Variants in ATP8B1 observed in about 807,000 individuals in gnomAD.
ATP8B1 encodes phospholipid-transporting ATPase IC.
A neutral mutation model predicts 149.9 loss-of-function variants in ATP8B1; 80 were observed. That is an observed-to-expected ratio of 0.53 (90% CI 0.45 to 0.64). The LOEUF is 0.64. Ranked by LOEUF, ATP8B1 falls within the 30% of genes least tolerant of loss-of-function variation. ATP8B1 has a pLI of 0.00. For synonymous variants in ATP8B1, 536 were observed against 562.8 expected, an observed-to-expected ratio of 0.95 and a Z score of 0.67; for missense variants, 1,247 against 1,552.6, an observed-to-expected ratio of 0.80 and a Z score of 3.31.
At chr18:57,730,755 T>G (rs2079754621) in intron 2 of ATP8B1, among the ~76,000 whole-genome samples, 1 of 152,094 alleles carries the variant, frequency 6.6e-6, no homozygotes, top group Non-Finnish European at 1.5e-5. Context: ...CTGGCCTTGG[T>G]CTAGACCCTG....
At chr18:57,797,319 C>T (rs1202575874) in intron 1 of ATP8B1, among the ~76,000 whole-genome samples, 1 of 152,182 alleles carries the variant, frequency 6.6e-6, no homozygotes, top group African/African-American at 2.4e-5. Flanking sequence ...AAATGACAGC[C>T]CTGTCAATAA....
intron 1 of ATP8B1, among the ~76,000 whole-genome samples, chr18:57,782,349 A>G (rs938408327): frequency 3.9e-5 from 6 of 152,242 alleles, no homozygotes; most frequent in Admixed American, 6.5e-5. Context: ...ACGTTACACC[A>G]TTCATTTATT....
intron 1 of ATP8B1, among the ~76,000 whole-genome samples, chr18:57,795,661 A>C (rs995192119): frequency 2.0e-5 from 3 of 152,164 alleles, no homozygotes; most frequent in East Asian, 3.8e-4. Flanking sequence ...AGAATAGTCA[A>C]ATTCATGGAG....
At chr18:57,662,179 G>A (rs112427556) in intron 21 of ATP8B1, among the ~76,000 whole-genome samples, 26 of 152,214 alleles carry the variant, frequency 1.7e-4, no homozygotes, top group African/African-American at 5.3e-4. Context: ...GACTACAGGC[G>A]CATGCCACCA....
intron 13 of ATP8B1, among the ~76,000 whole-genome samples, chr18:57,685,461 C>T (rs1483151362): frequency 1.3e-5 from 2 of 152,164 alleles, no homozygotes; most frequent in Non-Finnish European, 2.9e-5. Flanking sequence ...AAGGCACTCA[C>T]GGTGCCTACA....
chr18:57,658,454 G>A (rs921507442), intron 22 of ATP8B1, among the ~76,000 whole-genome samples: 1 of 152,228 alleles, frequency 6.6e-6, no homozygotes, highest in Non-Finnish European at 1.5e-5. Context: ...AGGATAGAGG[G>A]AGAAGGCAGC....
intron 22 of ATP8B1, among the ~76,000 whole-genome samples, chr18:57,655,748 CTGTG>C (rs1487723606): frequency 2.0e-5 from 3 of 152,242 alleles, no homozygotes; most frequent in African/African-American, 7.2e-5. Context: ...CATGTGTACA[CTGTG>C]TCCTTGCCTC....
At chr18:57,695,096 A>G in intron 10 of ATP8B1, 75 bp downstream of exon 10, 1 of 1,507,356 alleles carries the variant, frequency 6.6e-7, no homozygotes, top group Non-Finnish European at 9.2e-7. Flanking sequence ...TTGATGGACA[A>G]AGGACAGAAA....
At chr18:57,780,988 G>A (rs193218054) in intron 1 of ATP8B1, among the ~76,000 whole-genome samples, 29 of 152,296 alleles carry the variant, frequency 1.9e-4, no homozygotes, top group African/African-American at 6.5e-4. Flanking sequence ...TGGCCAGGCC[G>A]GCTGCTCAAA....
At chr18:57,715,946 T>C (rs1411298970) in intron 2 of ATP8B1, among the ~76,000 whole-genome samples, 1 of 152,128 alleles carries the variant, frequency 6.6e-6, no homozygotes, top group East Asian at 1.9e-4. Flanking sequence ...CAGAATAGTA[T>C]AACACTGTGA....
intron 20 of ATP8B1, 111 bp downstream of exon 20, chr18:57,666,981 C>G (rs1910899122): frequency 4.1e-6 from 4 of 968,288 alleles, no homozygotes; most frequent in East Asian, 2.6e-5. Context: ...GAAACTGCCC[C>G]AAGTGACACA....
intron 22 of ATP8B1, among the ~76,000 whole-genome samples, chr18:57,658,202 C>G (rs1020706913): frequency 6.6e-6 from 1 of 151,960 alleles, no homozygotes; most frequent in African/African-American, 2.4e-5. Context: ...GCCCGCCACC[C>G]CCATGCCCGG....
intron 22 of ATP8B1, among the ~76,000 whole-genome samples, chr18:57,656,075 A>C (rs1172902156): frequency 6.6e-6 from 1 of 152,116 alleles, no homozygotes; most frequent in Non-Finnish European, 1.5e-5. Context: ...AGGCTTCTTA[A>C]TTTGGAAGCT....
intron 1 of ATP8B1, among the ~76,000 whole-genome samples, chr18:57,775,594 A>G (rs1287727940): frequency 6.6e-6 from 1 of 151,992 alleles, no homozygotes; most frequent in East Asian, 1.9e-4. Context: ...ACCTAGAGCA[A>G]GAGATTCTGT....
At chr18:57,681,924 CAT>C (rs1911998521) in intron 15 of ATP8B1, among the ~76,000 whole-genome samples, 1 of 152,088 alleles carries the variant, frequency 6.6e-6, no homozygotes, top group Non-Finnish European at 1.5e-5. Context: ...TAGAAGCCAA[CAT>C]GTCTCTATTC....
At chr18:57,772,550 G>T (rs1189354124) in intron 1 of ATP8B1, among the ~76,000 whole-genome samples, 2 of 152,178 alleles carry the variant, frequency 1.3e-5, no homozygotes, top group Admixed American at 6.5e-5. Flanking sequence ...GGAAGGCCTT[G>T]GGTGCTAGCG....
At chr18:57,680,277 CAAAAAAAAAAAAA>C (rs71171066) in intron 15 of ATP8B1, among the ~76,000 whole-genome samples, 1 of 40,452 alleles carries the variant, frequency 2.5e-5, no homozygotes, top group South Asian at 1.3e-3. Context: ...GACTCAGTCT[CAAAAAAAAAAAAA>C]AAAAAAAAAA....
rs114459951 is a variant in ATP8B1, at chr18:57,755,035, G to A, written c.-25-23203C>T. ...GAATGATAAAGTGGTTTTGTTTATG[G>A]TGTTTGTTTTTTTAAGAAATAGAAA... is the stretch of plus-strand genomic sequence containing the variant. On this transcript the variant is annotated intron_variant, in intron 1 of 27. Transcript: ENST00000648908. 3.2e-3 allele frequency among the ~76,000 whole-genome samples: 489 copies of A among 152,202 alleles called. 1 individual carries two copies. Among genetic ancestry groups the A allele is most frequent in the African/African-American group, 0.011 (472 of 41,520 alleles).
intron 1 of ATP8B1, among the ~76,000 whole-genome samples, chr18:57,775,191 C>T (rs1388841063): frequency 6.6e-6 from 1 of 152,116 alleles, no homozygotes; most frequent in Non-Finnish European, 1.5e-5. Context: ...GTGGCATGTG[C>T]CTGTAGTCCC....
Sources: allele counts gnomAD v4.1 joint callset (sites outside exome capture counted in the v4.1 genomes callset), GRCh38; gene constraint gnomAD v4.1.1; transcripts MANE v1.5; gene names NCBI Gene and HGNC (gene_info 2026-07-23, HGNC 2026-07-21).